Variants in MDGA2 observed in about 807,000 individuals in gnomAD.
The protein encoded by MDGA2 is MAM domain-containing glycosylphosphatidylinositol anchor protein 2.
MDGA2 carries 40 observed loss-of-function variants against 117.8 expected under a neutral mutation model. The ratio of observed to expected loss-of-function variants is 0.34; its 90% CI spans 0.26 to 0.44. The LOEUF (loss-of-function observed/expected upper bound fraction) is 0.44. MDGA2 is among the 20% of genes least tolerant of loss of function. The probability of loss-of-function intolerance (pLI) is 1.00; values close to 1 mark genes in which losing one functional copy is unlikely to be tolerated. For missense variants in MDGA2, 1,123 were observed against 1,250.6 expected (o/e 0.90, Z 1.54); for synonymous variants, 452 against 439.0 (o/e 1.03, Z -0.37).
intron 8 of MDGA2, among the ~76,000 whole-genome samples, chr14:46,989,857 A>G (rs1887016648): frequency 6.6e-6 from 1 of 152,232 alleles, no homozygotes; most frequent in East Asian, 1.9e-4. Context: ...ACAATAGAGG[A>G]GGCTAGCACT....
chr14:47,590,366 A>G (rs1896413600), intron 1 of MDGA2, among the ~76,000 whole-genome samples: 1 of 151,892 alleles, frequency 6.6e-6, no homozygotes, highest in South Asian at 2.1e-4. Context: ...ATAAAAGACC[A>G]TGGCCTAGAT....
In MDGA2 at chr14:47,323,408, T is replaced by G. The variant is rs1298514220; in HGVS notation, c.281-21858A>C. On this transcript the variant is annotated intron_variant, in intron 1 of 16. Transcript: ENST00000399232. ...TGGGAGGCCGAGGCAGGAAGATCACTAGAGGTCAGGAGTTCGAGACTAGCC... is the reference window on the plus strand; with the variant it reads ...TGGGAGGCCGAGGCAGGAAGATCACGAGAGGTCAGGAGTTCGAGACTAGCC... Among the ~76,000 whole-genome samples the G allele has an allele frequency of 5.9e-5, 9 of 151,514 alleles. No homozygotes were observed. The East Asian group carries it at 1.8e-3, about 30-fold the overall frequency.
At chr14:47,093,331 A>T (rs969159699) in intron 6 of MDGA2, among the ~76,000 whole-genome samples, 1 of 152,130 alleles carries the variant, frequency 6.6e-6, no homozygotes, top group African/African-American at 2.4e-5. Flanking sequence ...AAAATACAGT[A>T]ATGTCTTGGT....
intron 9 of MDGA2, among the ~76,000 whole-genome samples, chr14:46,929,593 G>GTGTGTGTGTGTGTGTA (rs1884459440): frequency 2.4e-5 from 1 of 41,630 alleles, no homozygotes; most frequent in African/African-American, 1.1e-4. Context: ...GTGTGTGTGT[G>GTGTGTGTGTGTGTGTA]TGTGTGTGTA....
chr14:47,458,533 G>C (rs1010223357), intron 1 of MDGA2, among the ~76,000 whole-genome samples: 16 of 152,098 alleles, frequency 1.1e-4, no homozygotes, highest in African/African-American at 3.9e-4. Context: ...TGTTGGTGAA[G>C]GGGTACAAAG....
rs149650241 is a variant in MDGA2, at chr14:46,951,200, C to G, written c.2089+6174G>C. Among the ~76,000 whole-genome samples the G allele has an allele frequency of 3.5e-3, 537 of 151,882 alleles. 3 individuals carry two copies. Among genetic ancestry groups the G allele is most frequent in the Non-Finnish European group, 5.7e-3 (385 of 67,890 alleles). ...TTTTGCTTTGTAAAACCCTATTTGG[C>G]AGGATTAAGGAAAGGGATTAAACTA... On this transcript the variant is annotated intron_variant, in intron 9 of 16. Transcript: ENST00000399232.
At chr14:47,018,887 T>C (rs1594532731) in intron 8 of MDGA2, among the ~76,000 whole-genome samples, 1 of 152,076 alleles carries the variant, frequency 6.6e-6, no homozygotes, top group Admixed American at 6.6e-5. Flanking sequence ...CATATGGCTG[T>C]CAGGACAAAA....
chr14:47,224,232 A>C (rs1330840463), intron 2 of MDGA2, among the ~76,000 whole-genome samples: 1 of 150,440 alleles, frequency 6.6e-6, no homozygotes, highest in Non-Finnish European at 1.5e-5. Flanking sequence ...AATCTGAAGA[A>C]ACAACATGGA....
chr14:46,926,069 G>A (rs1211266810), intron 9 of MDGA2, among the ~76,000 whole-genome samples: 1 of 152,088 alleles, frequency 6.6e-6, no homozygotes, highest in African/African-American at 2.4e-5. Flanking sequence ...GCAGAATACA[G>A]GAAAAATATG....
chr14:47,606,257 C>T (rs958417811), intron 1 of MDGA2, among the ~76,000 whole-genome samples: 1 of 152,078 alleles, frequency 6.6e-6, no homozygotes, highest in Non-Finnish European at 1.5e-5. Flanking sequence ...ATAGAAAGTG[C>T]AAAGTTGATC....
chr14:46,872,421 G>A (rs185255866), intron 14 of MDGA2, among the ~76,000 whole-genome samples: 1 of 151,882 alleles, frequency 6.6e-6, no homozygotes, highest in Non-Finnish European at 1.5e-5. Flanking sequence ...AAATGTTCTT[G>A]TTTGTATTGA....
intron 6 of MDGA2, among the ~76,000 whole-genome samples, chr14:47,084,013 T>C (rs1469371533): frequency 6.6e-6 from 1 of 152,070 alleles, no homozygotes; most frequent in African/African-American, 2.4e-5. Flanking sequence ...TTTAAATAGA[T>C]GGAAAAACTA....
chr14:47,603,065 A>G (rs1896676597), intron 1 of MDGA2, among the ~76,000 whole-genome samples: 1 of 152,182 alleles, frequency 6.6e-6, no homozygotes, highest in Non-Finnish European at 1.5e-5. Flanking sequence ...AAGTTCATCT[A>G]GCCAATTTAG....
chr14:47,215,067 C>A (rs994446544), intron 3 of MDGA2, among the ~76,000 whole-genome samples: 7 of 151,978 alleles, frequency 4.6e-5, no homozygotes, highest in African/African-American at 1.7e-4. Flanking sequence ...TTATGCATAT[C>A]CTGCTTCCAA....
At chr14:47,210,737 G>A (rs999682453) in intron 3 of MDGA2, among the ~76,000 whole-genome samples, 5 of 152,166 alleles carry the variant, frequency 3.3e-5, no homozygotes, top group African/African-American at 1.2e-4. Flanking sequence ...AATTGCAGGG[G>A]CTGGGCACAA....
intron 2 of MDGA2, among the ~76,000 whole-genome samples, chr14:47,281,706 C>T (rs947946226): frequency 1.3e-5 from 2 of 152,088 alleles, no homozygotes; most frequent in South Asian, 2.1e-4. Context: ...TTGTAAAATG[C>T]TGATTTTTGA....
At chr14:46,872,018 G>A (rs1232690623) in intron 14 of MDGA2, 2 of 203,586 alleles carry the variant, frequency 9.8e-6, no homozygotes, top group African/African-American at 2.3e-5. Flanking sequence ...AAAAACCCAA[G>A]TGCTATCCAT....
intron 6 of MDGA2, among the ~76,000 whole-genome samples, chr14:47,094,821 C>A (rs1232419188): frequency 1.3e-5 from 2 of 151,832 alleles, no homozygotes; most frequent in African/African-American, 4.8e-5. Flanking sequence ...ATGAAACAAA[C>A]ACCGATTACA....
chr14:46,853,088 T>C lies in MDGA2; in HGVS notation c.2883+1936A>G, dbSNP rs561240827. ...GTTATTATAACTGGATTTCATATAT[T>C]CAAAATATTAACTAAAGACATACAA... On this transcript the variant is annotated intron_variant, in intron 15 of 16. Coordinates refer to ENST00000399232, the MANE Select transcript of MDGA2 (RefSeq NM_001113498.3). Among the ~76,000 whole-genome samples the C allele has an allele frequency of 2.6e-5, 4 of 152,084 alleles. No individual in the cohort carries two copies. The South Asian group carries it at 8.3e-4, about 31-fold the overall frequency.
Sources: allele counts gnomAD v4.1 joint callset (sites outside exome capture counted in the v4.1 genomes callset), GRCh38; gene constraint gnomAD v4.1.1; transcripts MANE v1.5; gene names NCBI Gene and HGNC (gene_info 2026-07-23, HGNC 2026-07-21).